CASK: variants seen among roughly 807,000 people sequenced by gnomAD.
CASK encodes peripheral plasma membrane protein CASK.
CASK carries 4 observed loss-of-function variants against 82.9 expected under a neutral mutation model. The observed-to-expected ratio is 0.05, with a 90% CI of 0.02 to 0.11. The LOEUF (loss-of-function observed/expected upper bound fraction) is 0.11. CASK is among the 10% of genes least tolerant of loss of function. The probability of loss-of-function intolerance (pLI) is 1.00; values close to 1 mark genes in which losing one functional copy is unlikely to be tolerated. For missense variants in CASK, 358 were observed against 720.9 expected, an observed-to-expected ratio of 0.50 and a Z score of 5.76; for synonymous variants, 259 against 253.5, an observed-to-expected ratio of 1.02 and a Z score of -0.20.
intron 25 of CASK, among the ~76,000 whole-genome samples, chrX:41,526,226 A>G (rs909751611): frequency 1.8e-5 from 2 of 110,413 alleles, no homozygotes; most frequent in Non-Finnish European, 1.9e-5. Flanking sequence ...TTTTCTCATC[A>G]CCCCTACTCC....
Position 41,841,286 on chromosome X carries a change from T to C in CASK, c.172+11829A>G, listed in dbSNP as rs890100237. On this transcript the variant is annotated intron_variant, in intron 2 of 26. Coordinates refer to ENST00000378163, the MANE Select transcript of CASK (RefSeq NM_001367721.1). ...TCTCATTATGGTTTGGATTTCCATT[T>C]TCCTAAAAGCCAATGACACTGAATA... Among the ~76,000 whole-genome samples the C allele has an allele frequency of 5.4e-5, 6 of 111,644 alleles. 1 individual carries two copies. The highest frequency in any genetic ancestry group is 1.1e-4 in the Non-Finnish European group (6 of 53,128).
In CASK at chrX:41,736,113, T is replaced by C. The variant is rs1404301121; in HGVS notation, c.429+3271A>G. On this transcript the variant is annotated intron_variant, in intron 5 of 26. Transcript: ENST00000378163. ...TTTTGGATGAATGTCTTAAGAAAAA[T>C]ACACCAACATTAAAAATTTTCAATT... Among the ~76,000 whole-genome samples, 12 of 111,862 alleles carry C rather than the reference T, an allele frequency of 1.1e-4. No homozygotes were observed. In the Admixed American group the frequency reaches 1.1e-3, roughly 11 times the overall value.
intron 2 of CASK, among the ~76,000 whole-genome samples, chrX:41,829,734 T>TATATACATATATATATATATATATATAC (rs1556208239): frequency 3.4e-5 from 1 of 29,675 alleles, no homozygotes; most frequent in Non-Finnish European, 6.4e-5. Context: ...TATATATATA[T>TATATACATATATATATATATATATATAC]ATATATATAT....
chrX:41,613,580 G>A (rs1243202900), intron 11 of CASK, among the ~76,000 whole-genome samples: 1 of 89,568 alleles, frequency 1.1e-5, no homozygotes, highest in Non-Finnish European at 2.2e-5. Context: ...CTATTGTCCT[G>A]TGACCCTGCC....
At chrX:41,809,058 GC>G (rs1273877834) in intron 2 of CASK, among the ~76,000 whole-genome samples, 2 of 112,518 alleles carry the variant, frequency 1.8e-5, no homozygotes, top group Non-Finnish European at 3.8e-5. Context: ...GCCCGCCATT[GC>G]TGAGGCTTAA....
chrX:41,566,139 G>C (rs1451684635), intron 16 of CASK, among the ~76,000 whole-genome samples: 2 of 111,585 alleles, frequency 1.8e-5, no homozygotes, highest in Non-Finnish European at 3.8e-5. Context: ...TACTGAATGG[G>C]CAAAAACTGG....
chrX:41,843,276 A>G (rs984623785), intron 2 of CASK, among the ~76,000 whole-genome samples: 2 of 111,907 alleles, frequency 1.8e-5, no homozygotes, highest in Middle Eastern at 4.7e-3. Context: ...TTACAACATT[A>G]AATATAAAGT....
intron 2 of CASK, among the ~76,000 whole-genome samples, chrX:41,794,125 C>T (rs1199038297): frequency 8.9e-6 from 1 of 111,845 alleles, no homozygotes; most frequent in Non-Finnish European, 1.9e-5. Flanking sequence ...TTCACACACA[C>T]AAACAGAAAT....
intron 3 of CASK, among the ~76,000 whole-genome samples, chrX:41,776,363 G>A (rs751552521): frequency 8.9e-6 from 1 of 112,689 alleles, no homozygotes; most frequent in East Asian, 2.8e-4. Context: ...GACTGCATAT[G>A]CAGAAAAAAG....
chrX:41,684,827 A>C (rs1162412494), intron 5 of CASK, among the ~76,000 whole-genome samples: 1 of 111,946 alleles, frequency 8.9e-6, no homozygotes, highest in East Asian at 2.8e-4. Context: ...AAGGATATTT[A>C]CTAGGACAAC....
chrX:41,560,532 G>A (rs2065214026), intron 17 of CASK, among the ~76,000 whole-genome samples: 1 of 107,244 alleles, frequency 9.3e-6, no homozygotes, highest in Non-Finnish European at 1.9e-5. Context: ...CCAAAGTGCT[G>A]GGATTACAGG....
chrX:41,907,409 T>C (rs925263224), intron 1 of CASK, among the ~76,000 whole-genome samples: 9 of 111,949 alleles, frequency 8.0e-5, no homozygotes, highest in African/African-American at 1.6e-4. Context: ...GAAACATTCA[T>C]GTGCATCAAT....
rs773445513 is a variant in CASK, at chrX:41,553,898, T to C, written c.1860A>G (p.Gln620=). The change falls in exon 21 of 27, where the codon CAA becomes CAG. Residue 620 remains glutamine (Q), a synonymous_variant. Transcript: ENST00000378163. ...PKGRQIYVRA[Q]FEYDPAKDDL... ...CATCCTTGGCTGGATCATATTCAAA[T>C]TGTGCTCTTACATAGATCTATAAAA... 8.3e-6 allele frequency: 10 copies of C among 1,202,413 alleles called. No individual in the cohort carries two copies. In the East Asian group the frequency reaches 3.0e-4, roughly 36 times the overall value.
chrX:41,869,143 T>C (rs1276112684), intron 1 of CASK, among the ~76,000 whole-genome samples: 7 of 111,462 alleles, frequency 6.3e-5, no homozygotes, highest in African/African-American at 2.0e-4. Context: ...TAAAACTACT[T>C]TTGCCTGGAG....
chrX:41,678,921 T>TA (rs1242875111), intron 5 of CASK, among the ~76,000 whole-genome samples: 81 of 96,428 alleles, frequency 8.4e-4, no homozygotes, highest in South Asian at 1.9e-3. Context: ...TGCCTCTACT[T>TA]AAAAAAAAAA....
At chrX:41,787,114 T>C (rs2069623836) in intron 3 of CASK, 64 bp downstream of exon 3, 4 of 662,411 alleles carry the variant, frequency 6.0e-6, no homozygotes, top group East Asian at 6.4e-5. Flanking sequence ...AGAAAAGTGT[T>C]AGCATTATCC....
At chrX:41,803,239 A>G (rs985823518) in intron 2 of CASK, among the ~76,000 whole-genome samples, 1 of 111,241 alleles carries the variant, frequency 9.0e-6, no homozygotes, top group Non-Finnish European at 1.9e-5. Flanking sequence ...TGTACCGAGG[A>G]AAGTTACACA....
At chrX:41,616,529 T>C (rs982220282) in intron 11 of CASK, among the ~76,000 whole-genome samples, 5 of 111,861 alleles carry the variant, frequency 4.5e-5, no homozygotes, top group Admixed American at 1.9e-4. Context: ...AACAAGAAGT[T>C]GTGTGGTTTA....
intron 1 of CASK, among the ~76,000 whole-genome samples, chrX:41,892,016 C>T (rs2072178282): frequency 9.1e-6 from 1 of 110,196 alleles, no homozygotes; most frequent in African/African-American, 3.3e-5. Context: ...ATGGTGAGAC[C>T]CCATCTCTAA....
Sources: allele counts gnomAD v4.1 joint callset (sites outside exome capture counted in the v4.1 genomes callset), GRCh38; gene constraint gnomAD v4.1.1; transcripts MANE v1.5; gene names NCBI Gene and HGNC (gene_info 2026-07-23, HGNC 2026-07-21).